The following CCDC63 variants were observed in gnomAD, a reference collection of about 807,000 sequenced individuals.
The protein encoded by CCDC63 is coiled-coil domain-containing protein 63.
A neutral mutation model predicts 63.6 loss-of-function variants in CCDC63; 54 were observed. The ratio of observed to expected loss-of-function variants is 0.85; its 90% confidence interval spans 0.68 to 1.07. The LOEUF (loss-of-function observed/expected upper bound fraction) is 1.07. Ranked by LOEUF, CCDC63 falls within the 50% of genes least tolerant of loss-of-function variation. CCDC63 has a pLI of 0.00. For missense variants in CCDC63, 637 were observed against 689.6 expected (o/e 0.92, Z 0.86); for synonymous variants, 253 against 266.1 (o/e 0.95, Z 0.48).
At chr12:110,855,873 A>T (rs2070763604) in intron 3 of CCDC63, among the ~76,000 whole-genome samples, 1 of 151,946 alleles carries the variant, frequency 6.6e-6, no homozygotes, top group African/African-American at 2.4e-5. Flanking sequence ...GAGCCACCGC[A>T]CCAGGCCAAG....
chr12:110,880,742 G>A (rs1326200684), intron 6 of CCDC63, among the ~76,000 whole-genome samples: 2 of 374 alleles, frequency 5.3e-3, no homozygotes, highest in African/African-American at 0.011. Flanking sequence ...ATGGGGTGGT[G>A]ATGGTGATGG....
chr12:110,872,063 A>G (rs2071074837), intron 4 of CCDC63, among the ~76,000 whole-genome samples: 1 of 152,206 alleles, frequency 6.6e-6, no homozygotes, highest in Non-Finnish European at 1.5e-5. Context: ...AATAAAAGTT[A>G]TTTGTACTAG....
intron 9 of CCDC63, among the ~76,000 whole-genome samples, chr12:110,894,483 C>CT (rs1015049796): frequency 3.3e-5 from 5 of 152,144 alleles, no homozygotes; most frequent in Admixed American, 6.6e-5. Flanking sequence ...CTGTTTTCTG[C>CT]TTTTTTTGTC....
At chr12:110,881,355 C>CT in intron 7 of CCDC63, 59 bp downstream of exon 7, 2 of 1,521,552 alleles carry the variant, frequency 1.3e-6, no homozygotes, top group South Asian at 2.5e-5. Context: ...TTCTTTCTCT[C>CT]TTTCTCTCTT....
In CCDC63 at chr12:110,889,972, TCACACGGA is replaced by T. The variant is rs2136717283; in HGVS notation, c.1075-3101_1075-3094del. ...AACCTCCAAATCAGGAATAATTCCA[TCACACGGA>T]CATAGCATTGTTTCATCTTTTTGGT... On this transcript the variant is annotated intron_variant, in intron 8 of 11. Transcript: ENST00000308208. The surrounding 1 kb of genome is among the most constrained non-coding windows in gnomAD (Gnocchi z 4.1). 6.6e-6 allele frequency among the ~76,000 whole-genome samples: 1 copy of T among 152,280 alleles called. No individual in the cohort carries two copies. The highest frequency in any genetic ancestry group is 1.5e-5 in the Non-Finnish European group (1 of 68,032).
intron 4 of CCDC63, among the ~76,000 whole-genome samples, chr12:110,867,350 G>A (rs1170911747): frequency 2.5e-5 from 3 of 117,926 alleles, no homozygotes; most frequent in African/African-American, 3.4e-5. Context: ...CGGGTGGAGG[G>A]CTGACCCCCC....
At chr12:110,871,285 G>A (rs1174024304) in intron 4 of CCDC63, among the ~76,000 whole-genome samples, 1 of 152,072 alleles carries the variant, frequency 6.6e-6, no homozygotes, top group Non-Finnish European at 1.5e-5. Flanking sequence ...GGGACTACTG[G>A]CGCCCGCCAC....
chr12:110,901,390 T>G (rs2071485110), intron 10 of CCDC63, among the ~76,000 whole-genome samples: 1 of 152,072 alleles, frequency 6.6e-6, no homozygotes, highest in Non-Finnish European at 1.5e-5. Flanking sequence ...TATCTATTTA[T>G]TTATTTTTAT....
At chr12:110,860,924 G>A (rs2070845475) in intron 4 of CCDC63, among the ~76,000 whole-genome samples, 1 of 152,178 alleles carries the variant, frequency 6.6e-6, no homozygotes, top group Admixed American at 6.5e-5. Context: ...AGGTTTAATT[G>A]GCTTACAGTT....
intron 8 of CCDC63, among the ~76,000 whole-genome samples, chr12:110,887,077 A>T (rs1190128136): frequency 6.6e-6 from 1 of 152,120 alleles, no homozygotes; most frequent in African/African-American, 2.4e-5. Context: ...TTATAAAAAA[A>T]GTTTCAAACT....
At chr12:110,881,627 C>G (rs2071210759) in intron 7 of CCDC63, among the ~76,000 whole-genome samples, 1 of 151,924 alleles carries the variant, frequency 6.6e-6, no homozygotes. Context: ...GAAGCTGAGG[C>G]AGGAGAATCA....
At position 110,889,175 on chromosome 12, in the gene CCDC63, C is replaced by T. The variant is rs558817572; in HGVS notation, c.1075-3901C>T. 5.3e-5 allele frequency among the ~76,000 whole-genome samples: 8 copies of T among 152,248 alleles called. No individual in the cohort carries two copies. Among genetic ancestry groups the T allele is most frequent in the South Asian group, 2.1e-4 (1 of 4,826 alleles). On this transcript the variant is annotated intron_variant, in intron 8 of 11. Transcript: ENST00000308208. This position sits in a 1 kb window ranked among gnomAD's most constrained non-coding sequence, Gnocchi z 4.1. ...TGAAGCAAATGTCCTTTTGGTTACTCGTTCATCCAGCAAGTATTTATTGAG... is the reference window on the plus strand; with the variant it reads ...TGAAGCAAATGTCCTTTTGGTTACTTGTTCATCCAGCAAGTATTTATTGAG...
Position 110,853,583 on chromosome 12 carries a change from T to C in CCDC63, c.179+9T>C, listed in dbSNP as rs938759523. On this transcript the variant is annotated intron_variant, in intron 3 of 11. Transcript: ENST00000308208. ...AAGATTGCGAGTCAGTAGTAAGTGA[T>C]GGTTGGAGTTTCGCACTGAGTGACC... is the stretch of plus-strand genomic sequence containing the variant. 8.1e-6 allele frequency: 13 copies of C among 1,613,944 alleles called. No homozygotes were observed. Among genetic ancestry groups the C allele is most frequent in the Middle Eastern group, 1.6e-4 (1 of 6,084 alleles).
chr12:110,866,534 T>A (rs1284903093), intron 4 of CCDC63, among the ~76,000 whole-genome samples: 3 of 140,404 alleles, frequency 2.1e-5, no homozygotes, highest in Non-Finnish European at 4.6e-5. Context: ...ACGAGCATGC[T>A]GCCTTCAAGC....
chr12:110,888,888 T>G, intron 8 of CCDC63, among the ~76,000 whole-genome samples: 1 of 150,900 alleles, frequency 6.6e-6, no homozygotes, highest in East Asian at 1.9e-4. Flanking sequence ...CTTTCTTCTT[T>G]TTTTGCAGGA....
intron 11 of CCDC63, among the ~76,000 whole-genome samples, chr12:110,905,694 G>A (rs2071550823): frequency 6.7e-6 from 1 of 149,896 alleles, no homozygotes; most frequent in Non-Finnish European, 1.5e-5. Context: ...TTGATATTAA[G>A]ACAAAAAGGG....
intron 4 of CCDC63, among the ~76,000 whole-genome samples, chr12:110,863,634 G>A (rs1002052526): frequency 1.3e-5 from 2 of 151,320 alleles, no homozygotes; most frequent in African/African-American, 2.4e-5. Flanking sequence ...TTTGCCTCTC[G>A]GGTTCAAGCA....
At chr12:110,850,393 T>G (rs1404398605) in intron 1 of CCDC63, among the ~76,000 whole-genome samples, 3 of 152,172 alleles carry the variant, frequency 2.0e-5, no homozygotes, top group Non-Finnish European at 2.9e-5. Flanking sequence ...GAAGCGACTG[T>G]TGGGGAGGCA....
intron 1 of CCDC63, among the ~76,000 whole-genome samples, chr12:110,849,498 CTTTTTT>C (rs56059098): frequency 3.2e-5 from 4 of 126,288 alleles, no homozygotes; most frequent in Admixed American, 8.8e-5. Flanking sequence ...CTCTTATTTC[CTTTTTT>C]TTTTTTTTTT....
Sources: gnomAD v4.1 joint callset for allele counts (sites outside exome capture counted in the v4.1 genomes callset) on GRCh38, gnomAD v4.1.1 for gene constraint, Gnocchi (gnomAD v3.1) non-coding constraint, MANE v1.5 for transcripts, NCBI Gene and HGNC (gene_info 2026-07-23, HGNC 2026-07-21) for gene names.